The following PTPN3 variants were observed in gnomAD, a reference collection of about 807,000 sequenced individuals.
PTPN3 encodes the protein tyrosine-protein phosphatase non-receptor type 3.
In PTPN3, 96 loss-of-function variants were observed where a neutral mutation model predicts 132.7. The observed-to-expected ratio is 0.72, with a 90% CI of 0.61 to 0.86. The LOEUF (loss-of-function observed/expected upper bound fraction) is 0.86, where lower values mean the gene tolerates loss of function less well. Among genes scored for constraint, PTPN3 ranks in the 40% least tolerant of loss-of-function variants. The pLI is 0.00. For missense variants in PTPN3, 1,125 were observed against 1,159.6 expected (o/e 0.97, Z 0.43); for synonymous variants, 398 against 429.0 (o/e 0.93, Z 0.89).
chr9:109,506,138 A>G, the PTPN3 span, among the ~76,000 whole-genome samples: 2 of 152,140 alleles, frequency 1.3e-5, no homozygotes, highest in Non-Finnish European at 2.9e-5. Context: ...TGCCCCAACC[A>G]CATATACGGA....
At chr9:109,521,903 G>C in the PTPN3 span, among the ~76,000 whole-genome samples, 2 of 152,162 alleles carry the variant, frequency 1.3e-5, no homozygotes, top group Non-Finnish European at 2.9e-5. Flanking sequence ...GACTCAGGGA[G>C]CATCTAGTCT....
chr9:109,396,208 CT>C (rs1457505030), intron 19 of PTPN3, among the ~76,000 whole-genome samples: 4 of 152,232 alleles, frequency 2.6e-5, no homozygotes, highest in Admixed American at 2.6e-4. Context: ...CTGTGGGCTG[CT>C]TGGCAGTCTG....
At chr9:109,494,166 A>G (rs1448070383) in intron 1 of PTPN3, among the ~76,000 whole-genome samples, 1 of 152,262 alleles carries the variant, frequency 6.6e-6, no homozygotes, top group Non-Finnish European at 1.5e-5. Context: ...GTTCTGCATT[A>G]GTGAACACCA....
chr9:109,391,099 T>A, intron 21 of PTPN3, 39 bp downstream of exon 21: 1 of 1,577,988 alleles, frequency 6.3e-7, no homozygotes, highest in Non-Finnish European at 8.7e-7. Context: ...GCGACAGTGG[T>A]GAATGTGCTC....
At chr9:109,500,927 CAAATAAA>C (rs1469406510), upstream of PTPN3, among the ~76,000 whole-genome samples, 2 of 84,248 alleles carry the variant, frequency 2.4e-5, no homozygotes, top group Non-Finnish European at 4.6e-5. Context: ...GATTCTGTCT[CAAATAAA>C]AAAAAAAAAA....
intron 1 of PTPN3, among the ~76,000 whole-genome samples, chr9:109,494,538 A>G (rs1847598143): frequency 6.6e-6 from 1 of 152,144 alleles, no homozygotes; most frequent in Admixed American, 6.6e-5. Flanking sequence ...CCTGCCCTAA[A>G]TGCCATCTTG....
chr9:109,486,524 G>A (rs1847218255), intron 1 of PTPN3, among the ~76,000 whole-genome samples: 1 of 152,160 alleles, frequency 6.6e-6, no homozygotes, highest in Non-Finnish European at 1.5e-5. Context: ...TGGGGGACAA[G>A]TGAAGAGTGA....
chr9:109,512,583 T>C, the PTPN3 span, among the ~76,000 whole-genome samples: 1 of 152,256 alleles, frequency 6.6e-6, no homozygotes, highest in Non-Finnish European at 1.5e-5. Context: ...CCATGAAGAC[T>C]ACATGAGGTA....
intron 14 of PTPN3, among the ~76,000 whole-genome samples, chr9:109,419,197 A>C (rs1209273582): frequency 6.6e-6 from 1 of 152,240 alleles, no homozygotes; most frequent in African/African-American, 2.4e-5. Flanking sequence ...ATTTAACCAG[A>C]GGTGTTAAGA....
intron 1 of PTPN3, among the ~76,000 whole-genome samples, chr9:109,470,521 A>C (rs1463468204): frequency 7.1e-6 from 1 of 141,812 alleles, no homozygotes; most frequent in Non-Finnish European, 1.5e-5. Flanking sequence ...TAGTGAGACC[A>C]TCATATCTAC....
At chr9:109,421,936 T>C (rs942899826) in intron 13 of PTPN3, among the ~76,000 whole-genome samples, 1 of 152,254 alleles carries the variant, frequency 6.6e-6, no homozygotes, top group Admixed American at 6.5e-5. Context: ...GTTTCCCCTC[T>C]GGCCCCTAGC....
chr9:109,451,227 A>T (rs1541090), intron 5 of PTPN3: 30,870 of 960,588 alleles, frequency 0.032, 581 homozygotes, highest in East Asian at 0.29. Context: ...TGTTTCAAAA[A>T]ATATATATAT....
At chr9:109,427,430 A>C (rs917626710) in intron 11 of PTPN3, among the ~76,000 whole-genome samples, 11 of 152,106 alleles carry the variant, frequency 7.2e-5, no homozygotes, top group African/African-American at 2.7e-4. Flanking sequence ...TCAGATAAAA[A>C]CCGTCTGATA....
At chr9:109,399,689 A>C (rs1172189363) in intron 19 of PTPN3, among the ~76,000 whole-genome samples, 1 of 151,342 alleles carries the variant, frequency 6.6e-6, no homozygotes, top group Non-Finnish European at 1.5e-5. Context: ...CAAAGCAAGC[A>C]CTGATAGAAA....
the PTPN3 span, among the ~76,000 whole-genome samples, chr9:109,538,264 C>G: frequency 6.6e-6 from 1 of 152,200 alleles, no homozygotes; most frequent in Non-Finnish European, 1.5e-5. Flanking sequence ...GATAATCCCT[C>G]TTGCTCCACC....
At chr9:109,499,415 C>T (rs1179105607), upstream of PTPN3, among the ~76,000 whole-genome samples, 2 of 152,126 alleles carry the variant, frequency 1.3e-5, no homozygotes, top group Non-Finnish European at 2.9e-5. Flanking sequence ...AGCGCCGGAC[C>T]GCTTAGGGAA....
intron 1 of PTPN3, among the ~76,000 whole-genome samples, chr9:109,471,476 A>G (rs1015248785): frequency 1.3e-5 from 2 of 152,170 alleles, no homozygotes; most frequent in South Asian, 2.1e-4. Context: ...TTTAGCATGT[A>G]TCTCCCCCTA....
At chr9:109,459,375 T>C (rs1396828025) in intron 2 of PTPN3, among the ~76,000 whole-genome samples, 1 of 152,116 alleles carries the variant, frequency 6.6e-6, no homozygotes, top group African/African-American at 2.4e-5. Context: ...TTCCTACACA[T>C]AGAAAGACAC....
chr9:109,383,911 C>T (rs1564371882), intron 22 of PTPN3, among the ~76,000 whole-genome samples: 1 of 152,124 alleles, frequency 6.6e-6, no homozygotes, highest in African/African-American at 2.4e-5. Context: ...CCCTCCCCAC[C>T]TCCAACGGCC....
Sources: gnomAD v4.1 joint callset for allele counts (sites outside exome capture counted in the v4.1 genomes callset) on GRCh38, gnomAD v4.1.1 for gene constraint, MANE v1.5 for transcripts, NCBI Gene and HGNC (gene_info 2026-07-23, HGNC 2026-07-21) for gene names.